PRKN: variants seen among roughly 807,000 people sequenced by gnomAD.
PRKN encodes parkin RBR E3 ubiquitin protein ligase, also known as E3 ubiquitin-protein ligase parkin.
In PRKN, 56 loss-of-function variants were observed where a neutral mutation model predicts 59.5. The observed-to-expected ratio is 0.94, with a 90% confidence interval of 0.76 to 1.18. PRKN has a LOEUF of 1.18. Ranked by LOEUF, PRKN falls within the 50% of genes most tolerant of loss-of-function variation. The pLI is 0.00. For missense variants in PRKN, 657 were observed against 596.4 expected, an observed-to-expected ratio of 1.10 and a Z score of -1.06; for synonymous variants, 250 against 222.1, an observed-to-expected ratio of 1.13 and a Z score of -1.12.
chr6:161,400,952 G>A lies in PRKN; in HGVS notation c.1084-14075C>T, dbSNP rs542809090. On this transcript the variant is annotated intron_variant, in intron 9 of 11. Coordinates refer to ENST00000366898, the MANE Select transcript of PRKN (RefSeq NM_004562.3). The surrounding 1 kb of genome is among the most constrained non-coding windows in gnomAD (Gnocchi z 4.2). Reference sequence around the variant, plus strand: ...AAATCTTGGACCAGGGACAGATAGCGTCCAGGCCATTACTCAAGGGGAAGA... The same window carrying A: ...AAATCTTGGACCAGGGACAGATAGCATCCAGGCCATTACTCAAGGGGAAGA... 3.3e-5 allele frequency among the ~76,000 whole-genome samples: 5 copies of A among 152,266 alleles called. No homozygotes were observed. Among genetic ancestry groups the A allele is most frequent in the East Asian group, 1.9e-4 (1 of 5,176 alleles).
At chr6:162,566,411 A>T (rs1014784350) in intron 1 of PRKN, among the ~76,000 whole-genome samples, 1 of 152,164 alleles carries the variant, frequency 6.6e-6, no homozygotes, top group African/African-American at 2.4e-5. Context: ...AGAAAAAAAG[A>T]GAGAAGATCC....
At chr6:161,776,154 T>C (rs1309934973) in intron 7 of PRKN, among the ~76,000 whole-genome samples, 1 of 152,190 alleles carries the variant, frequency 6.6e-6, no homozygotes, top group Non-Finnish European at 1.5e-5. Context: ...TTTTGCATAG[T>C]AGCCATCATT....
chr6:161,900,081 A>G (rs1213455119), intron 6 of PRKN, among the ~76,000 whole-genome samples: 1 of 152,078 alleles, frequency 6.6e-6, no homozygotes, highest in Non-Finnish European at 1.5e-5. Flanking sequence ...ACTTCACTCC[A>G]GCCTAGGTGA....
chr6:162,225,460 G>A (rs538371860), intron 3 of PRKN, among the ~76,000 whole-genome samples: 7 of 152,228 alleles, frequency 4.6e-5, no homozygotes, highest in East Asian at 3.9e-4. Context: ...CTGAGAGATC[G>A]GGATACCTTC....
intron 9 of PRKN, among the ~76,000 whole-genome samples, chr6:161,501,065 G>A (rs777157904): frequency 1.3e-5 from 2 of 151,832 alleles, no homozygotes; most frequent in Admixed American, 6.6e-5. Context: ...TAGTAGAGAC[G>A]GGGTTTCACC....
chr6:162,306,178 G>A (rs1449898516), intron 2 of PRKN, among the ~76,000 whole-genome samples: 2 of 152,104 alleles, frequency 1.3e-5, no homozygotes, highest in Admixed American at 1.3e-4. Flanking sequence ...TCTACAAGAA[G>A]TAACCCTAAA....
At chr6:162,423,775 T>C (rs1240501672) in intron 2 of PRKN, among the ~76,000 whole-genome samples, 1 of 152,164 alleles carries the variant, frequency 6.6e-6, no homozygotes, top group East Asian at 1.9e-4. Context: ...CCATTAATTA[T>C]ACTAAATAAT....
chr6:161,359,171 C>T lies in PRKN; in HGVS notation c.1285+917G>A, dbSNP rs1784881999. Among the ~76,000 whole-genome samples, 1 of 152,198 alleles carries T rather than the reference C, an allele frequency of 6.6e-6. No homozygotes were observed. On this transcript the variant is annotated intron_variant, in intron 11 of 11. Transcript: ENST00000366898. The surrounding 1 kb of genome is among the most constrained non-coding windows in gnomAD (Gnocchi z 5.4). Reference sequence around the variant, plus strand: ...GCTGCATGCAATGGAGTAATAAGGACACGCTGGGTAAATTATTTATTTTCT... The same window carrying T: ...GCTGCATGCAATGGAGTAATAAGGATACGCTGGGTAAATTATTTATTTTCT...
rs1037684357 is a variant in PRKN, at chr6:161,410,450, TC to T, written c.1084-23574del. The stretch of plus-strand genomic sequence containing the variant: ...CAGCTTTTAAGTAAGGATGAGGGCT[TC>T]CCAACCAACTGTAAGGGGGCTGCTG... On this transcript the variant is annotated intron_variant, in intron 9 of 11. Coordinates refer to ENST00000366898, the MANE Select transcript of PRKN (RefSeq NM_004562.3). This position sits in a 1 kb window ranked among gnomAD's most constrained non-coding sequence, Gnocchi z 5.3. Among the ~76,000 whole-genome samples the T allele has an allele frequency of 6.6e-6, 1 of 152,110 alleles. No individual in the cohort carries two copies. The highest frequency in any genetic ancestry group is 2.4e-5 in the African/African-American group (1 of 41,422).
At chr6:162,103,632 AAAAT>A (rs1347575599) in intron 4 of PRKN, among the ~76,000 whole-genome samples, 2 of 152,152 alleles carry the variant, frequency 1.3e-5, no homozygotes, top group Non-Finnish European at 1.5e-5. Flanking sequence ...TGAAAAAAAA[AAAAT>A]AGAGGATGAT....
chr6:162,260,343 G>C (rs971727014), intron 3 of PRKN, among the ~76,000 whole-genome samples: 2 of 152,140 alleles, frequency 1.3e-5, no homozygotes, highest in African/African-American at 4.8e-5. Flanking sequence ...TCTGAAGGCT[G>C]CTGTCATTTA....
intron 6 of PRKN, among the ~76,000 whole-genome samples, chr6:161,815,514 A>G (rs1791737681): frequency 1.3e-5 from 2 of 152,202 alleles, no homozygotes; most frequent in African/African-American, 2.4e-5. Flanking sequence ...TCTGGCTACA[A>G]TGGAATAACA....
chr6:162,483,356 C>T (rs1055473605), intron 1 of PRKN, among the ~76,000 whole-genome samples: 1 of 151,950 alleles, frequency 6.6e-6, no homozygotes, highest in South Asian at 2.1e-4. Context: ...GAAGTTATGC[C>T]TATGTAAAAA....
intron 5 of PRKN, among the ~76,000 whole-genome samples, chr6:162,043,854 A>G (rs769399941): frequency 3.7e-4 from 57 of 152,226 alleles, no homozygotes; most frequent in Non-Finnish European, 7.9e-4. Context: ...TTGCTGATAA[A>G]GATAGAATTT....
chr6:162,359,079 A>AAAAAAAAAAAATATATATATATAT (rs57265104), intron 2 of PRKN, among the ~76,000 whole-genome samples: 5 of 83,242 alleles, frequency 6.0e-5, no homozygotes, highest in African/African-American at 3.7e-4. Context: ...AAAAAAAAAA[A>AAAAAAAAAAAATATATATATATAT]ATATATATAT....
At chr6:162,290,602 T>C (rs1203451993) in intron 2 of PRKN, among the ~76,000 whole-genome samples, 2 of 152,182 alleles carry the variant, frequency 1.3e-5, no homozygotes, top group Non-Finnish European at 2.9e-5. Flanking sequence ...TCCACTGAGT[T>C]AGTAATATTA....
In PRKN at chr6:161,463,555, A is replaced by G. The variant is rs1393753689; in HGVS notation, c.1084-76678T>C. Among the ~76,000 whole-genome samples the G allele has an allele frequency of 6.6e-6, 1 of 152,204 alleles. No individual in the cohort carries two copies. Among genetic ancestry groups the G allele is most frequent in the African/African-American group, 2.4e-5 (1 of 41,448 alleles). On this transcript the variant is annotated intron_variant, in intron 9 of 11. Transcript: ENST00000366898. The surrounding 1 kb of genome is among the most constrained non-coding windows in gnomAD (Gnocchi z 4.8). ...CATCAACCTACACTATACCTACCAG[A>G]TGCTTTCTTTGACCATCTTGATATC...
At chr6:161,531,689 C>G (rs1779219454) in intron 9 of PRKN, among the ~76,000 whole-genome samples, 1 of 152,002 alleles carries the variant, frequency 6.6e-6, no homozygotes, top group South Asian at 2.1e-4. Context: ...ACTGTCCCTG[C>G]TGCTCTAGGG....
intron 7 of PRKN, among the ~76,000 whole-genome samples, chr6:161,743,289 G>A (rs1041133739): frequency 2.8e-5 from 4 of 140,616 alleles, no homozygotes; most frequent in Non-Finnish European, 6.0e-5. Context: ...GTGCAATCTC[G>A]GCTCACTGCA....
Sources: allele counts gnomAD v4.1 joint callset (sites outside exome capture counted in the v4.1 genomes callset), GRCh38; gene constraint gnomAD v4.1.1; non-coding constraint Gnocchi (gnomAD v3.1); transcripts MANE v1.5; gene names NCBI Gene and HGNC (gene_info 2026-07-23, HGNC 2026-07-21).